RESP18: variants seen among roughly 807,000 people sequenced by gnomAD.
RESP18 encodes regulated endocrine specific protein 18.
In RESP18, 30 loss-of-function variants were observed where a neutral mutation model predicts 30.0. That is an observed-to-expected ratio of 1.00 (90% CI 0.75 to 1.36). The LOEUF (loss-of-function observed/expected upper bound fraction) is 1.36, where lower values mean the gene tolerates loss of function less well. Ranked by LOEUF, RESP18 falls within the 40% of genes most tolerant of loss-of-function variation. The pLI, the probability that RESP18 is intolerant of heterozygous loss-of-function variation, is 0.00. For synonymous variants in RESP18, 117 were observed against 111.2 expected (o/e 1.05, Z -0.33); for missense variants, 320 against 284.2 (o/e 1.13, Z -0.91).
intron 4 of RESP18, 57 bp downstream of exon 3, chr2:219,329,580 C>T (rs1037321160): frequency 1.3e-4 from 196 of 1,547,494 alleles, no homozygotes; most frequent in Non-Finnish European, 1.6e-4. Context: ...ACATTCCTTC[C>T]CTGTTCCGTC....
chr2:219,332,829 C>A, intron 1 of RESP18, 85 bp from the exon 1 acceptor site: 11 of 1,045,196 alleles, frequency 1.1e-5, no homozygotes, highest in Non-Finnish European at 1.5e-5. Flanking sequence ...CGCCTCCCCA[C>A]CCTCATCTCT....
chr2:219,333,074 T>A lies in RESP18; in HGVS notation c.17+87A>T, dbSNP rs1039034571. The A allele has an allele frequency of 5.1e-4, 599 of 1,182,502 alleles. 13 individuals are homozygous for A. The highest frequency in any genetic ancestry group is 6.6e-4 in the Non-Finnish European group (580 of 882,138). The allele number at this position is 1,182,502 out of a possible 1,614,324, so 73.3% of individuals were successfully genotyped here. ...TTTACTCTGGCCCACTTAAAACCCT[T>A]TAGAAATCATATAGGTTCGATCTGC... is the stretch of plus-strand genomic sequence containing the variant. On this transcript the variant is annotated intron_variant, in intron 1 of 6. Transcript: ENST00000333527.
intron 4 of RESP18, 83 bp downstream of exon 3, chr2:219,329,553 AC>A (rs1312504049): frequency 1.3e-6 from 2 of 1,541,164 alleles, no homozygotes; most frequent in Non-Finnish European, 1.8e-6. Flanking sequence ...GGCAACTTCT[AC>A]CTGCAGTTTT....
At position 219,329,250 on chromosome 2, in the gene RESP18, G is replaced by A. The variant is rs1336315170; in HGVS notation, c.468C>T (p.Ser156=). 2.6e-6 allele frequency: 4 copies of A among 1,551,696 alleles called. No homozygotes were observed. Among genetic ancestry groups the A allele is most frequent in the South Asian group, 1.2e-5 (1 of 84,058 alleles). ...GATCCCTGTTCACCTTGGCCAGGGG[G>A]CTCTGTGAGGAGGGAAACCAGGAGT... The change falls in exon 5 of 7, where the codon AGC becomes AGT. Residue 156 remains serine, a splice_region_variant and synonymous_variant. Coordinates refer to ENST00000333527, the MANE Select transcript of RESP18 (RefSeq NM_001007089.4).
intron 6 of RESP18, among the ~76,000 whole-genome samples, chr2:219,328,167 G>A (rs988837417): frequency 2.0e-4 from 30 of 152,152 alleles, no homozygotes; most frequent in Non-Finnish European, 5.9e-5. Flanking sequence ...ATCATATCAC[G>A]TTGTGACATT....
intron 5 of RESP18, 31 bp downstream of exon 4, chr2:219,329,132 C>A: frequency 6.5e-7 from 1 of 1,541,092 alleles, no homozygotes; most frequent in Non-Finnish European, 8.8e-7. Context: ...TTAAACAGGT[C>A]CAACCTCCCT....
chr2:219,332,648 C>T lies in RESP18; in HGVS notation c.108G>A (p.Glu36=), dbSNP rs1172191018. ...GCTGTATCCTCCCAGGCTCGGCGCGCTCACTCCCCGGCCAAGTCTCAGTGA... is the reference window on the plus strand; with the variant it reads ...GCTGTATCCTCCCAGGCTCGGCGCGTTCACTCCCCGGCCAAGTCTCAGTGA... The change falls in exon 2 of 7, where the codon GAG becomes GAA. Residue 36 remains glutamate (E), a synonymous_variant. Transcript: ENST00000333527. 3.9e-6 allele frequency: 6 copies of T among 1,551,392 alleles called. No individual in the cohort carries two copies. The highest frequency in any genetic ancestry group is 5.2e-6 in the Non-Finnish European group (6 of 1,146,948).
chr2:219,332,465 C>T, intron 2 of RESP18, 59 bp downstream of exon 1: 1 of 1,330,390 alleles, frequency 7.5e-7, no homozygotes, highest in Non-Finnish European at 1.0e-6. Flanking sequence ...CCCTGCAGAC[C>T]CCCACTTCTC....
chr2:219,329,782 G>C lies in RESP18; in HGVS notation c.338-18C>G. Reference sequence around the variant, plus strand: ...GAACAGACCTGCAGGATGAAAGGATGGGGGGTGAGTTGACACCTGAGACAC... The same window carrying C: ...GAACAGACCTGCAGGATGAAAGGATCGGGGGTGAGTTGACACCTGAGACAC... On this transcript the variant is annotated intron_variant, in intron 3 of 6. Transcript: ENST00000333527. 3 of 1,547,696 alleles carry C rather than the reference G, an allele frequency of 1.9e-6. No individual in the cohort carries two copies. Among genetic ancestry groups the C allele is most frequent in the Non-Finnish European group, 2.6e-6 (3 of 1,143,978 alleles).
intron 4 of RESP18, 137 bp downstream of exon 3, chr2:219,329,500 C>T (rs1430585307): frequency 6.5e-7 from 1 of 1,539,634 alleles, no homozygotes; most frequent in Non-Finnish European, 8.7e-7. Flanking sequence ...AAATTCTTCT[C>T]TGCTGATTCC....
In RESP18 at chr2:219,329,571, C is replaced by T. The variant is rs1352274999; in HGVS notation, c.465+66G>A. ...AACTTCTACCTGCAGTTTTAGCACA[C>T]ATTCCTTCCCTGTTCCGTCTGTCTG... On this transcript the variant is annotated intron_variant, in intron 4 of 6. Coordinates refer to ENST00000333527, the MANE Select transcript of RESP18 (RefSeq NM_001007089.4). 5 of 1,545,104 alleles carry T rather than the reference C, an allele frequency of 3.2e-6. No individual in the cohort carries two copies. The East Asian group carries it at 9.8e-5, about 30-fold the overall frequency.
chr2:219,332,888 C>T (rs573156603), intron 1 of RESP18, 144 bp from the exon 1 acceptor site: 2 of 731,592 alleles, frequency 2.7e-6, no homozygotes, highest in South Asian at 3.9e-5. Context: ...GTCCCAAGAA[C>T]CACCGCCTGT....
rs988559712 is a variant in RESP18 at position 219,329,179 on chromosome 2, A to G, written c.539T>C (p.Val180Ala). 10 of 1,551,438 alleles carry G rather than the reference A, an allele frequency of 6.4e-6. No individual in the cohort carries two copies. In the Admixed American group the frequency reaches 7.8e-5, roughly 12 times the overall value. Residue 180 changes from valine (V) to alanine (A), a missense_variant, in exon 5 of 7, where the codon GTG (valine) becomes GCG (alanine). Transcript: ENST00000333527. ...GCCCCTCACCTTGACAGGGTTGGCCACCTCTTGTTTCAGGGCCTTAGAAAC... is the reference window on the plus strand; with the variant it reads ...GCCCCTCACCTTGACAGGGTTGGCCGCCTCTTGTTTCAGGGCCTTAGAAAC...
At chr2:219,329,515 A>G (rs932779508) in intron 4 of RESP18, 122 bp downstream of exon 3, 17 of 1,505,082 alleles carry the variant, frequency 1.1e-5, no homozygotes, top group Non-Finnish European at 1.3e-5. Flanking sequence ...GATTCCAAAC[A>G]GGACCTCTGA....
rs113344903 is a variant in RESP18, at chr2:219,329,363, G to A, written c.466-111C>T. 109 of 1,551,594 alleles carry A rather than the reference G, an allele frequency of 7.0e-5. 1 individual carries two copies. Among genetic ancestry groups the A allele is most frequent in the African/African-American group, 2.2e-4 (16 of 73,044 alleles). On this transcript the variant is annotated intron_variant, in intron 4 of 6. Coordinates refer to ENST00000333527, the MANE Select transcript of RESP18 (RefSeq NM_001007089.4). ...GGATTCACAATTCTTGAGAAGATAC[G>A]TGAGTCTCACTGGGGAATAGGAGTT...
In RESP18 at chr2:219,332,655, C is replaced by G. The variant is rs371208647; in HGVS notation, c.101G>C (p.Gly34Ala). The G allele has an allele frequency of 6.4e-7, 1 of 1,551,356 alleles. No individual in the cohort carries two copies. Among genetic ancestry groups the G allele is most frequent in the Non-Finnish European group, 8.7e-7 (1 of 1,146,966 alleles). The stretch of plus-strand genomic sequence containing the variant: ...CCTCCCAGGCTCGGCGCGCTCACTC[C>G]CCGGCCAAGTCTCAGTGAAGGTAGC... The change falls in exon 2 of 7, where the codon GGG (glycine) becomes GCG (alanine). Residue 34 changes from glycine to alanine, a missense_variant. Gly to Ala is a moderately conservative substitution (Grantham distance 60, BLOSUM62 0). Coordinates refer to ENST00000333527, the MANE Select transcript of RESP18 (RefSeq NM_001007089.4).
intron 6 of RESP18, among the ~76,000 whole-genome samples, chr2:219,328,340 T>C (rs940035587): frequency 2.0e-5 from 3 of 152,192 alleles, no homozygotes; most frequent in Non-Finnish European, 4.4e-5. Context: ...TGACATGGTA[T>C]GGGTGTCTCA....
chr2:219,332,717 C>A lies in RESP18; in HGVS notation c.39G>T (p.Trp13Cys), dbSNP rs761177610. The change falls in exon 2 of 7, where the codon TGG becomes TGT. Residue 13 changes from tryptophan (W) to cysteine (C), a missense_variant. Trp to Cys is a radical substitution (Grantham distance 215). Transcript: ENST00000333527. ...AGGGGCTGAGCGGGGCTGCAGCTTC[C>A]CACCAGCCCGCGACTCCGAATCTGT... The A allele has an allele frequency of 2.6e-6, 4 of 1,547,012 alleles. No individual in the cohort carries two copies. The South Asian group carries it at 4.8e-5, about 18-fold the overall frequency.
In RESP18 at chr2:219,333,099, C is replaced by CTA. The variant is rs5838736; in HGVS notation, c.17+60_17+61dup. ...TTAGAAATCATATAGGTTCGATCTGCTATATATATATATATAATATTATAT... is the reference window on the plus strand; with the variant it reads ...TTAGAAATCATATAGGTTCGATCTGCTATATATATATATATATAATATTATAT... On this transcript the variant is annotated intron_variant, in intron 1 of 6. Transcript: ENST00000333527. The CTA allele has an allele frequency of 8.4e-3, 9,198 of 1,099,276 alleles. 4 individuals carry two copies. The highest frequency in any genetic ancestry group is 0.011 in the East Asian group (326 of 30,008). 68.1% of individuals were successfully genotyped at this position (1,099,276 alleles called of 1,614,324 possible). A position where few individuals can be genotyped will look rare whatever the true frequency, so the allele number is the denominator to read the frequency against.
Sources: allele counts gnomAD v4.1 joint callset (sites outside exome capture counted in the v4.1 genomes callset), GRCh38; gene constraint gnomAD v4.1.1; transcripts MANE v1.5; gene names NCBI Gene and HGNC (gene_info 2026-07-23, HGNC 2026-07-21).